CALN1: variants seen among roughly 807,000 people sequenced by gnomAD.
The protein encoded by CALN1 is calneuron 1, also known as calcium-binding protein 8.
Under a neutral mutation model 30.6 loss-of-function variants are expected in CALN1, and 17 were observed. That is an observed-to-expected ratio of 0.56 (90% confidence interval 0.38 to 0.83). The LOEUF is 0.83. CALN1 is among the 40% of genes least tolerant of loss of function. CALN1 has a pLI of 0.00. For missense variants in CALN1, 291 were observed against 354.9 expected (o/e 0.82, Z 1.45); for synonymous variants, 156 against 131.4 (o/e 1.19, Z -1.28).
At chr7:72,483,287 T>TC in the CALN1 span, among the ~76,000 whole-genome samples, 1 of 95,660 alleles carries the variant, frequency 1.0e-5, no homozygotes. Flanking sequence ...TTTCTTTTTT[T>TC]TTTTTTTTTT....
intron 3 of CALN1, among the ~76,000 whole-genome samples, chr7:72,145,186 G>A (rs959409742): frequency 7.9e-5 from 12 of 152,090 alleles, no homozygotes; most frequent in Admixed American, 5.9e-4. Flanking sequence ...CCAGGAGCTG[G>A]TTTTTTGAAA....
intron 3 of CALN1, among the ~76,000 whole-genome samples, chr7:72,235,274 A>C (rs1794398604): frequency 6.6e-6 from 1 of 151,158 alleles, no homozygotes; most frequent in Non-Finnish European, 1.5e-5. Flanking sequence ...ACTCTGTCTC[A>C]AAAATAAATA....
At chr7:72,090,245 T>G (rs956809461) in intron 4 of CALN1, among the ~76,000 whole-genome samples, 8 of 152,118 alleles carry the variant, frequency 5.3e-5, no homozygotes, top group African/African-American at 1.9e-4. Flanking sequence ...GAGATTGCAG[T>G]GAGCTGAGAT....
chr7:71,985,684 G>C (rs1798635846), intron 5 of CALN1, among the ~76,000 whole-genome samples: 1 of 146,652 alleles, frequency 6.8e-6, no homozygotes, highest in Admixed American at 7.2e-5. Context: ...CTGCCTCCCA[G>C]GTTCAAGCGA....
rs753068412 is a variant in CALN1, at chr7:71,871,939, G to T, written c.502-61447C>A. 4.4e-4 allele frequency among the ~76,000 whole-genome samples: 67 copies of T among 152,202 alleles called. 1 individual carries two copies. The highest frequency in any genetic ancestry group is 6.8e-3 in the Middle Eastern group (2 of 294). On this transcript the variant is annotated intron_variant, in intron 5 of 6. Transcript: ENST00000395275. ...ATCAGGACCATCCACAGAACTTTCT[G>T]CCATGATGGAAATGATCATTCCGTA...
intron 2 of CALN1, among the ~76,000 whole-genome samples, chr7:72,376,000 T>C (rs1468415996): frequency 4.6e-5 from 7 of 152,220 alleles, no homozygotes; most frequent in Admixed American, 4.6e-4. Flanking sequence ...ATTAGAATCA[T>C]ACCATATACA....
At chr7:72,071,850 T>A (rs1563031265) in intron 4 of CALN1, among the ~76,000 whole-genome samples, 1 of 152,124 alleles carries the variant, frequency 6.6e-6, no homozygotes, top group Non-Finnish European at 1.5e-5. Context: ...GTCTTAAACA[T>A]GCTCAAAGAA....
chr7:72,123,588 G>A (rs760574645), intron 3 of CALN1, among the ~76,000 whole-genome samples: 3 of 152,192 alleles, frequency 2.0e-5, no homozygotes, highest in African/African-American at 7.2e-5. Flanking sequence ...AGGGTAAATC[G>A]TGGAAAGGAT....
chr7:71,862,714 T>C (rs1190543847), intron 5 of CALN1, among the ~76,000 whole-genome samples: 1 of 152,234 alleles, frequency 6.6e-6, no homozygotes, highest in Non-Finnish European at 1.5e-5. Context: ...CTCACATCTT[T>C]AGATACATTA....
chr7:72,139,116 C>T (rs1809705982), intron 3 of CALN1, among the ~76,000 whole-genome samples: 1 of 152,156 alleles, frequency 6.6e-6, no homozygotes, highest in South Asian at 2.1e-4. Context: ...CTCACTGGCT[C>T]CCATTCACTC....
intron 2 of CALN1, among the ~76,000 whole-genome samples, chr7:72,300,790 C>T (rs1440883796): frequency 1.3e-5 from 2 of 151,992 alleles, no homozygotes; most frequent in East Asian, 1.9e-4. Flanking sequence ...GTCAGGAGTT[C>T]GAGACCAGCC....
At chr7:72,241,860 C>T (rs954022285) in intron 3 of CALN1, among the ~76,000 whole-genome samples, 11 of 152,138 alleles carry the variant, frequency 7.2e-5, no homozygotes, top group Admixed American at 2.0e-4. Flanking sequence ...TGAAAGTTTA[C>T]GCATTTAAAA....
chr7:72,290,659 A>G (rs1303129700), intron 2 of CALN1, among the ~76,000 whole-genome samples: 1 of 152,186 alleles, frequency 6.6e-6, no homozygotes, highest in Admixed American at 6.5e-5. Context: ...AGTGTTGTCC[A>G]TATTCTTTAA....
At chr7:72,213,607 A>G (rs985646855) in intron 3 of CALN1, among the ~76,000 whole-genome samples, 4 of 152,188 alleles carry the variant, frequency 2.6e-5, no homozygotes, top group Admixed American at 1.3e-4. Context: ...GAAAAAAAGA[A>G]AAGTGTATGA....
intron 5 of CALN1, among the ~76,000 whole-genome samples, chr7:72,016,075 C>T (rs1396184833): frequency 1.3e-5 from 2 of 151,994 alleles, no homozygotes; most frequent in Middle Eastern, 3.4e-3. Context: ...ACGGTGAAAC[C>T]CCGTCTCTAA....
At chr7:71,849,685 C>T (rs947508512) in intron 5 of CALN1, among the ~76,000 whole-genome samples, 1 of 152,068 alleles carries the variant, frequency 6.6e-6, no homozygotes, top group African/African-American at 2.4e-5. Flanking sequence ...ATTCAGTTGC[C>T]CAGGCTGGAG....
intron 3 of CALN1, among the ~76,000 whole-genome samples, chr7:72,141,071 C>A (rs2129543455): frequency 6.6e-6 from 1 of 152,344 alleles, no homozygotes; most frequent in Non-Finnish European, 1.5e-5. Context: ...TGTCCCTCAA[C>A]CCAAGGCCAA....
At chr7:72,416,784 C>T (rs569735157), upstream of CALN1, among the ~76,000 whole-genome samples, 25 of 151,274 alleles carry the variant, frequency 1.7e-4, no homozygotes, top group East Asian at 2.5e-3. Flanking sequence ...AGAACCTTCC[C>T]GGGCTTCATC....
chr7:72,295,164 T>G (rs911820449), intron 2 of CALN1, among the ~76,000 whole-genome samples: 1 of 152,122 alleles, frequency 6.6e-6, no homozygotes, highest in Non-Finnish European at 1.5e-5. Flanking sequence ...GGAAATAAAA[T>G]TTTTTTAAAA....
Sources: gnomAD v4.1 joint callset for allele counts (sites outside exome capture counted in the v4.1 genomes callset) on GRCh38, gnomAD v4.1.1 for gene constraint, MANE v1.5 for transcripts, NCBI Gene and HGNC (gene_info 2026-07-23, HGNC 2026-07-21) for gene names.